CREB5: variants seen among roughly 807,000 people sequenced by gnomAD.
CREB5 encodes the protein cAMP responsive element binding protein 5, also known as cyclic AMP-responsive element-binding protein 5.
CREB5 carries 19 observed loss-of-function variants against 57.1 expected under a neutral mutation model. The observed-to-expected ratio is 0.33, with a 90% CI of 0.23 to 0.49. The LOEUF (loss-of-function observed/expected upper bound fraction) is 0.49. Among genes scored for constraint, CREB5 ranks in the 20% least tolerant of loss-of-function variants. The probability of loss-of-function intolerance (pLI) is 0.99; values close to 1 mark genes in which losing one functional copy is unlikely to be tolerated. For synonymous variants in CREB5, 238 were observed against 238.3 expected (o/e 1.00, Z 0.01); for missense variants, 579 against 671.6 (o/e 0.86, Z 1.52).
chr7:28,462,502 G>C (rs1258205534), intron 1 of CREB5, among the ~76,000 whole-genome samples: 1 of 152,144 alleles, frequency 6.6e-6, no homozygotes, highest in African/African-American at 2.4e-5. Flanking sequence ...CTACAAAACT[G>C]TTTTCTCAAG....
intron 5 of CREB5, among the ~76,000 whole-genome samples, chr7:28,583,468 G>C (rs1167459432): frequency 6.6e-6 from 1 of 152,148 alleles, no homozygotes; most frequent in Non-Finnish European, 1.5e-5. Context: ...GAAACATAGA[G>C]ACTTGATGGG....
At chr7:28,504,407 C>T (rs1792391713) in intron 3 of CREB5, among the ~76,000 whole-genome samples, 1 of 152,178 alleles carries the variant, frequency 6.6e-6, no homozygotes, top group Admixed American at 6.5e-5. Flanking sequence ...TCCATTGGTG[C>T]ATAATATCTA....
At chr7:28,359,490 A>T (rs566541835) in intron 1 of CREB5, among the ~76,000 whole-genome samples, 9 of 152,204 alleles carry the variant, frequency 5.9e-5, no homozygotes, top group African/African-American at 1.9e-4. Flanking sequence ...TGTTCAATAA[A>T]GGGTGTTGAG....
chr7:28,501,934 CCA>C (rs1312458537), intron 3 of CREB5, among the ~76,000 whole-genome samples: 1 of 152,076 alleles, frequency 6.6e-6, no homozygotes, highest in Admixed American at 6.6e-5. Flanking sequence ...GCATCTAGTC[CCA>C]CAGTTGTCTA....
chr7:28,342,715 G>A (rs1785961498), intron 1 of CREB5, among the ~76,000 whole-genome samples: 1 of 152,138 alleles, frequency 6.6e-6, no homozygotes, highest in South Asian at 2.1e-4. Flanking sequence ...GGCCTTGAAA[G>A]GAACAGATTA....
chr7:28,390,633 G>A (rs1202177075), intron 1 of CREB5, among the ~76,000 whole-genome samples: 1 of 152,144 alleles, frequency 6.6e-6, no homozygotes, highest in Non-Finnish European at 1.5e-5. Flanking sequence ...AACCAGAAGA[G>A]TTCTGTATTT....
intron 5 of CREB5, among the ~76,000 whole-genome samples, chr7:28,617,974 T>G (rs1312759603): frequency 6.6e-6 from 1 of 152,136 alleles, no homozygotes; most frequent in Non-Finnish European, 1.5e-5. Context: ...ACATAACTGA[T>G]TATGAAATGA....
At chr7:28,393,418 G>A (rs1787263648) in intron 1 of CREB5, among the ~76,000 whole-genome samples, 3 of 151,996 alleles carry the variant, frequency 2.0e-5, no homozygotes, top group Non-Finnish European at 2.9e-5. Context: ...AACTTTTCTT[G>A]GTTACTTTGA....
intron 7 of CREB5, among the ~76,000 whole-genome samples, chr7:28,757,771 G>A (rs1215512090): frequency 6.6e-6 from 1 of 152,130 alleles, no homozygotes; most frequent in Non-Finnish European, 1.5e-5. Context: ...GACCAGAAGT[G>A]TTTCAGATTT....
At chr7:28,720,169 G>C (rs146608503) in intron 6 of CREB5, among the ~76,000 whole-genome samples, 318 of 152,282 alleles carry the variant, frequency 2.1e-3, no homozygotes, top group Middle Eastern at 3.4e-3. Context: ...CCTCCCTGGC[G>C]TTGTGCTTTG....
intron 1 of CREB5, among the ~76,000 whole-genome samples, chr7:28,426,099 G>A (rs174023): frequency 0.94 from 142,842 of 152,274 alleles, 67,066 homozygotes; most frequent in East Asian, 0.98. Context: ...CTTCTAACCC[G>A]ATTCCCCCTA....
chr7:28,491,338 C>T, intron 2 of CREB5: 1 of 740,130 alleles, frequency 1.4e-6, no homozygotes, highest in Non-Finnish European at 1.6e-6. Flanking sequence ...AGTGGGGGTG[C>T]CAATTCCTCT....
chr7:28,736,221 G>A (rs1324803711), intron 7 of CREB5, among the ~76,000 whole-genome samples: 1 of 152,118 alleles, frequency 6.6e-6, no homozygotes, highest in African/African-American at 2.4e-5. Context: ...CCAGGCTGGA[G>A]TACAGTGGTG....
intron 5 of CREB5, chr7:28,615,970 T>A (rs1414323482): frequency 1.3e-5 from 2 of 152,244 alleles, no homozygotes; most frequent in African/African-American, 4.8e-5. Context: ...GGTTGACATG[T>A]CTTCTAAAAC....
At position 28,457,258 on chromosome 7, in the gene CREB5, G is replaced by A. The variant is rs540582592; in HGVS notation, c.4-30917G>A. Among the ~76,000 whole-genome samples, 253 of 152,246 alleles carry A rather than the reference G, an allele frequency of 1.7e-3. 1 individual carries two copies. The highest frequency in any genetic ancestry group is 5.7e-3 in the African/African-American group (238 of 41,538). Reference sequence around the variant, plus strand: ...CCACAATGGCATATAATTTCAACATGAATTTTGGAGGGGACATTCAAACCA... The same window carrying A: ...CCACAATGGCATATAATTTCAACATAAATTTTGGAGGGGACATTCAAACCA... On this transcript the variant is annotated intron_variant, in intron 1 of 10. Coordinates refer to ENST00000357727, the MANE Select transcript of CREB5 (RefSeq NM_182898.4).
At chr7:28,720,796 C>A (rs1802990302) in intron 6 of CREB5, among the ~76,000 whole-genome samples, 1 of 152,192 alleles carries the variant, frequency 6.6e-6, no homozygotes, top group African/African-American at 2.4e-5. Context: ...AAGCTGTCTT[C>A]TTTTAGGCTT....
intron 5 of CREB5, among the ~76,000 whole-genome samples, chr7:28,655,920 C>T (rs1405477537): frequency 1.3e-5 from 2 of 151,974 alleles, no homozygotes; most frequent in Non-Finnish European, 2.9e-5. Context: ...ACAGGAATAA[C>T]AGGATTTAAT....
intron 1 of CREB5, among the ~76,000 whole-genome samples, chr7:28,461,569 G>C (rs973799251): frequency 6.6e-6 from 1 of 152,050 alleles, no homozygotes; most frequent in African/African-American, 2.4e-5. Flanking sequence ...TGTTTTTTGA[G>C]TAATGAAATA....
intron 4 of CREB5, among the ~76,000 whole-genome samples, chr7:28,569,826 C>T (rs563842697): frequency 3.0e-4 from 46 of 152,292 alleles, no homozygotes; most frequent in Middle Eastern, 6.8e-3. Context: ...ATTCCAATCA[C>T]GCATCCTCAT....
Sources: gnomAD v4.1 joint callset for allele counts (sites outside exome capture counted in the v4.1 genomes callset) on GRCh38, gnomAD v4.1.1 for gene constraint, MANE v1.5 for transcripts, NCBI Gene and HGNC (gene_info 2026-07-23, HGNC 2026-07-21) for gene names.